The following ALG1L2 variants were observed in gnomAD, a reference collection of about 807,000 sequenced individuals.
ALG1L2 encodes the protein ALG1 chitobiosyldiphosphodolichol beta-mannosyltransferase like 2, also known as putative glycosyltransferase ALG1L2.
ALG1L2 carries 32 observed loss-of-function variants against 29.0 expected under a neutral mutation model. The observed-to-expected ratio is 1.10, with a 90% confidence interval of 0.83 to 1.48. The LOEUF is 1.48. ALG1L2 is among the 40% of genes most tolerant of loss of function. The pLI is 0.00. For synonymous variants in ALG1L2, 110 were observed against 109.5 expected (o/e 1.00, Z -0.03); for missense variants, 318 against 274.1 (o/e 1.16, Z -1.13).
At chr3:130,090,827 G>T (rs1934999601) in intron 1 of ALG1L2, 1 of 173,804 alleles carries the variant, frequency 5.8e-6, no homozygotes, top group Non-Finnish European at 1.2e-5. Context: ...TTCTGTGGAA[G>T]GCTGCAGTTT....
intron 1 of ALG1L2, among the ~76,000 whole-genome samples, chr3:130,086,147 A>G (rs1934886838): frequency 6.6e-6 from 1 of 151,356 alleles, no homozygotes; most frequent in African/African-American, 2.4e-5. Flanking sequence ...TTGATCATTT[A>G]TTAAAACAAA....
chr3:130,089,154 G>A (rs1359747819), intron 1 of ALG1L2, among the ~76,000 whole-genome samples: 6 of 152,292 alleles, frequency 3.9e-5, no homozygotes, highest in Admixed American at 1.3e-4. Context: ...AAGGCAAGAG[G>A]ACACTAATCT....
intron 1 of ALG1L2, among the ~76,000 whole-genome samples, chr3:130,089,991 G>A (rs1403171992): frequency 1.3e-5 from 2 of 152,306 alleles, no homozygotes; most frequent in Non-Finnish European, 2.9e-5. Context: ...GCAGTGAGCT[G>A]AGATCACGCC....
chr3:130,086,306 G>A, intron 1 of ALG1L2, among the ~76,000 whole-genome samples: 1 of 148,820 alleles, frequency 6.7e-6, no homozygotes, highest in Non-Finnish European at 1.5e-5. Flanking sequence ...GTTACCACAA[G>A]TGTCAAGCCA....
chr3:130,090,857 C>A, intron 1 of ALG1L2: 1 of 198,872 alleles, frequency 5.0e-6, no homozygotes, highest in Admixed American at 5.3e-5. Flanking sequence ...TCTCAGGTGT[C>A]TAACTGCTTT....
intron 1 of ALG1L2, among the ~76,000 whole-genome samples, chr3:130,089,906 C>A (rs77822136): frequency 6.6e-6 from 1 of 151,160 alleles, no homozygotes; most frequent in African/African-American, 2.4e-5. Flanking sequence ...GCCAGGCTTA[C>A]GGGTGCGTGA....
Position 130,091,360 on chromosome 3 carries a change from G to C in ALG1L2, c.120G>C (p.Pro40=). 1 of 1,596,964 alleles carries C rather than the reference G, an allele frequency of 6.3e-7. No homozygotes were observed. Among genetic ancestry groups the C allele is most frequent in the South Asian group, 1.1e-5 (1 of 90,960 alleles). The change falls in exon 2 of 8, where the codon CCG becomes CCC. Residue 40 remains proline, a synonymous_variant. Coordinates refer to ENST00000425059, the MANE Select transcript of ALG1L2 (RefSeq NM_001136152.1). Reference sequence around the variant, plus strand: ...TGAAGCTGGGCAGCACGCACTCTCCGTTCAGGGCCCGGTAGGCCTCCCACC... The same window carrying C: ...TGAAGCTGGGCAGCACGCACTCTCCCTTCAGGGCCCGGTAGGCCTCCCACC... ...LFMKLGSTHS[P]FRARSEPEDP...
intron 1 of ALG1L2, among the ~76,000 whole-genome samples, chr3:130,088,289 CA>C (rs1450888168): frequency 6.6e-6 from 1 of 151,954 alleles, no homozygotes; most frequent in Non-Finnish European, 1.5e-5. Flanking sequence ...TGTCCCCACC[CA>C]AATCTCTAAT....
At chr3:130,088,161 C>T (rs904425995) in intron 1 of ALG1L2, among the ~76,000 whole-genome samples, 9 of 152,240 alleles carry the variant, frequency 5.9e-5, no homozygotes, top group African/African-American at 2.2e-4. Flanking sequence ...AGATCCCTTG[C>T]CTGTGCCAAG....
intron 1 of ALG1L2, among the ~76,000 whole-genome samples, chr3:130,089,688 C>G (rs1934968436): frequency 1.3e-5 from 2 of 152,300 alleles, no homozygotes; most frequent in African/African-American, 4.8e-5. Context: ...TTGGACAGCT[C>G]TGTTCTAAAG....
chr3:130,098,130 G>A, intron 7 of ALG1L2, 93 bp from the exon 8 acceptor site: 1 of 1,541,704 alleles, frequency 6.5e-7, no homozygotes. Flanking sequence ...AGGGACTTGG[G>A]AGGGGTTGTT....
intron 7 of ALG1L2, 91 bp downstream of exon 7, chr3:130,097,341 G>A: frequency 6.5e-7 from 1 of 1,542,260 alleles, no homozygotes; most frequent in Non-Finnish European, 8.7e-7. Context: ...CACAGCCAGG[G>A]TGGGACCATG....
At chr3:130,093,434 CTTT>C (rs34096233) in intron 4 of ALG1L2, among the ~76,000 whole-genome samples, 2 of 142,928 alleles carry the variant, frequency 1.4e-5, no homozygotes, top group Admixed American at 7.0e-5. Flanking sequence ...TCATTGGTGT[CTTT>C]TTTTTTTTTT....
chr3:130,098,307 G>A lies in ALG1L2; in HGVS notation c.*52G>A, dbSNP rs1935192645. 6.3e-7 allele frequency: 1 copy of A among 1,596,460 alleles called. No individual in the cohort carries two copies. The highest frequency in any genetic ancestry group is 1.7e-5 in the Admixed American group (1 of 60,022). On this transcript the variant is annotated 3_prime_UTR_variant, in exon 8 of 8. Coordinates refer to ENST00000425059, the MANE Select transcript of ALG1L2 (RefSeq NM_001136152.1). ...GGAAGAACCTGCGGGAGTCGCAGCA[G>A]CTCTGATGGGATGAGAGCTGGGTGC...
At chr3:130,089,092 T>C (rs1934954854) in intron 1 of ALG1L2, among the ~76,000 whole-genome samples, 1 of 152,154 alleles carries the variant, frequency 6.6e-6, no homozygotes, top group African/African-American at 2.4e-5. Context: ...CTTGCACCCC[T>C]GGCCCTTCAT....
intron 1 of ALG1L2, among the ~76,000 whole-genome samples, chr3:130,084,142 G>T (rs1323972680): frequency 7.6e-6 from 1 of 131,974 alleles, no homozygotes; most frequent in African/African-American, 2.5e-5. Flanking sequence ...TGTGGGCAGG[G>T]ATGCTGGGGA....
intron 1 of ALG1L2, 34 bp downstream of exon 1, chr3:130,082,070 T>C (rs1200572614): frequency 6.7e-7 from 1 of 1,494,250 alleles, no homozygotes. Flanking sequence ...TGGATTGCAA[T>C]GCAGAGAAAC....
At chr3:130,083,999 C>T (rs1421077975) in intron 1 of ALG1L2, among the ~76,000 whole-genome samples, 4 of 151,600 alleles carry the variant, frequency 2.6e-5, no homozygotes, top group Non-Finnish European at 5.9e-5. Context: ...ATTGAAGGAC[C>T]GGCTTTGTGA....
intron 3 of ALG1L2, 119 bp downstream of exon 3, chr3:130,092,341 GA>G: frequency 6.3e-7 from 1 of 1,597,120 alleles, no homozygotes; most frequent in Non-Finnish European, 8.5e-7. Flanking sequence ...GTGAGAAGGG[GA>G]GGGCGTGTGA....
Sources: allele counts gnomAD v4.1 joint callset (sites outside exome capture counted in the v4.1 genomes callset), GRCh38; gene constraint gnomAD v4.1.1; transcripts MANE v1.5; gene names NCBI Gene and HGNC (gene_info 2026-07-23, HGNC 2026-07-21).